Variants in ANO2 observed in about 807,000 individuals in gnomAD.
The protein encoded by ANO2 is anoctamin 2.
ANO2 carries 101 observed loss-of-function variants against 124.2 expected under a neutral mutation model. The ratio of observed to expected loss-of-function variants is 0.81; its 90% CI spans 0.69 to 0.96. ANO2 has a LOEUF of 0.96. Ranked by LOEUF, ANO2 falls within the 40% of genes least tolerant of loss-of-function variation. The pLI is 0.00. For missense variants in ANO2, 1,293 were observed against 1,274.5 expected (o/e 1.01, Z -0.22); for synonymous variants, 486 against 482.5 (o/e 1.01, Z -0.09).
chr12:5,791,541 C>T (rs1296697660), intron 10 of ANO2, among the ~76,000 whole-genome samples: 1 of 152,156 alleles, frequency 6.6e-6, no homozygotes, highest in African/African-American at 2.4e-5. Flanking sequence ...GGCTGGAACC[C>T]CAGCTAGCCT....
chr12:5,763,134 A>G (rs142230857), intron 10 of ANO2, among the ~76,000 whole-genome samples: 2,494 of 152,116 alleles, frequency 0.016, 36 homozygotes, highest in Non-Finnish European at 0.021. Flanking sequence ...AATATTTTTG[A>G]CCTTGAACCA....
Position 5,625,016 on chromosome 12 carries a change from G to C in ANO2, c.1817-9719C>G, listed in dbSNP as rs1054684639. 3.3e-5 allele frequency among the ~76,000 whole-genome samples: 5 copies of C among 152,262 alleles called. 1 individual carries two copies. The highest frequency in any genetic ancestry group is 6.8e-3 in the Middle Eastern group (2 of 294). ...AAGGAACTGGCCAGTCCACACAAGCGAAGCATCCTGAGCCTGGTGGAAGTA... is the reference window on the plus strand; with the variant it reads ...AAGGAACTGGCCAGTCCACACAAGCCAAGCATCCTGAGCCTGGTGGAAGTA... On this transcript the variant is annotated intron_variant, in intron 16 of 24. Transcript: ENST00000682330.
At position 5,750,955 on chromosome 12, in the gene ANO2, T is replaced by C. The variant is rs1327368877; in HGVS notation, c.1071A>G (p.Glu357=). ...GCCAGGCAAAATACAGTCCAATTTT[T>C]TCTCCAAAATACTTTCTGGAAAAGA... ...PIDLIRKYFG[E]KIGLYFAWLG... is the part of the protein sequence containing the mutation. Residue 357 remains glutamate (E), a synonymous_variant, in exon 11 of 25, where the codon GAA becomes GAG. Coordinates refer to ENST00000682330, the MANE Select transcript of ANO2 (RefSeq NM_001364791.2). 1 of 1,601,440 alleles carries C rather than the reference T, an allele frequency of 6.2e-7. No individual in the cohort carries two copies. Among genetic ancestry groups the C allele is most frequent in the South Asian group, 1.1e-5 (1 of 88,034 alleles).
At chr12:5,724,638 T>C (rs1950361968) in intron 14 of ANO2, among the ~76,000 whole-genome samples, 1 of 152,234 alleles carries the variant, frequency 6.6e-6, no homozygotes, top group Non-Finnish European at 1.5e-5. Context: ...GCTTTAACTT[T>C]AGATGAGTTT....
intron 11 of ANO2, among the ~76,000 whole-genome samples, chr12:5,748,531 T>C (rs1951336545): frequency 6.6e-6 from 1 of 152,124 alleles, no homozygotes; most frequent in Non-Finnish European, 1.5e-5. Context: ...TGACAACTAT[T>C]AGTTGTTGAT....
intron 14 of ANO2, among the ~76,000 whole-genome samples, chr12:5,695,428 C>CA (rs1225518824): frequency 3.4e-5 from 5 of 148,540 alleles, no homozygotes; most frequent in South Asian, 2.1e-4. Flanking sequence ...TCAAAAGTAC[C>CA]AAAAAAATCA....
In ANO2 at chr12:5,889,888, T is replaced by C. The variant is rs115797459; in HGVS notation, c.534+31152A>G. On this transcript the variant is annotated intron_variant, in intron 3 of 24. Coordinates refer to ENST00000682330, the MANE Select transcript of ANO2 (RefSeq NM_001364791.2). The stretch of plus-strand genomic sequence containing the variant: ...CTCCTGGTGGCCTGGAGGACTCATG[T>C]GAGTTGCACAAATAAGGCAGGCCCT... 5.4e-3 allele frequency among the ~76,000 whole-genome samples: 827 copies of C among 152,358 alleles called. 6 individuals are homozygous for C. Among genetic ancestry groups the C allele is most frequent in the African/African-American group, 0.019 (803 of 41,578 alleles).
chr12:5,622,367 C>A (rs1306880285), intron 16 of ANO2, among the ~76,000 whole-genome samples: 1 of 152,166 alleles, frequency 6.6e-6, no homozygotes, highest in Non-Finnish European at 1.5e-5. Flanking sequence ...TAAAAAACAG[C>A]CTGTGCCTGT....
chr12:5,625,192 T>TG (rs530393816), intron 16 of ANO2, among the ~76,000 whole-genome samples: 193 of 151,760 alleles, frequency 1.3e-3, no homozygotes, highest in Admixed American at 2.4e-3. Context: ...GTGAATGGTG[T>TG]GGGGGGGAGT....
chr12:5,732,160 G>A (rs1165718523), intron 14 of ANO2, among the ~76,000 whole-genome samples: 4 of 152,310 alleles, frequency 2.6e-5, no homozygotes, highest in African/African-American at 9.6e-5. Context: ...CTAACATAGA[G>A]CAAGCGTTCG....
intron 4 of ANO2, among the ~76,000 whole-genome samples, chr12:5,849,378 CA>C (rs1954794057): frequency 6.6e-6 from 1 of 152,150 alleles, no homozygotes; most frequent in African/African-American, 2.4e-5. Flanking sequence ...TTCATATATA[CA>C]AAAAAAGCAA....
chr12:5,637,412 A>C (rs1406469767), intron 15 of ANO2, among the ~76,000 whole-genome samples: 3 of 151,872 alleles, frequency 2.0e-5, no homozygotes, highest in Non-Finnish European at 2.9e-5. Flanking sequence ...GGGGAAAAAA[A>C]ACAATGGCAA....
At chr12:5,585,211 G>T (rs560062355) in intron 20 of ANO2, among the ~76,000 whole-genome samples, 6 of 152,048 alleles carry the variant, frequency 3.9e-5, no homozygotes, top group Non-Finnish European at 7.4e-5. Flanking sequence ...GGTAGTTAAG[G>T]TCGTTCCTGC....
intron 7 of ANO2, among the ~76,000 whole-genome samples, chr12:5,821,308 C>CT (rs1277353890): frequency 6.6e-6 from 1 of 152,178 alleles, no homozygotes; most frequent in Non-Finnish European, 1.5e-5. Flanking sequence ...CTGCATTTAG[C>CT]CCCTTTTACA....
chr12:5,689,647 GCTT>G (rs953994260), intron 14 of ANO2, among the ~76,000 whole-genome samples: 3 of 152,124 alleles, frequency 2.0e-5, no homozygotes, highest in African/African-American at 7.2e-5. Flanking sequence ...AATTTGGTGT[GCTT>G]TTCTTCCATC....
intron 19 of ANO2, among the ~76,000 whole-genome samples, chr12:5,606,854 C>T (rs1944245522): frequency 6.6e-6 from 1 of 152,016 alleles, no homozygotes; most frequent in Non-Finnish European, 1.5e-5. Flanking sequence ...TAAATTATAG[C>T]TGACTACCTG....
intron 14 of ANO2, among the ~76,000 whole-genome samples, chr12:5,657,788 G>T (rs1439128078): frequency 6.6e-6 from 1 of 151,326 alleles, no homozygotes; most frequent in Non-Finnish European, 1.5e-5. Context: ...TAATAATCTG[G>T]CAGCCAATGC....
At chr12:5,614,836 A>T (rs1283507883) in intron 17 of ANO2, among the ~76,000 whole-genome samples, 1 of 152,188 alleles carries the variant, frequency 6.6e-6, no homozygotes. Context: ...TATTAACTAC[A>T]GGTAGTTGGC....
intron 3 of ANO2, among the ~76,000 whole-genome samples, chr12:5,878,706 T>C (rs1344419477): frequency 1.3e-5 from 2 of 152,274 alleles, no homozygotes; most frequent in East Asian, 1.9e-4. Context: ...ACTGGGAACA[T>C]CACATTCCCA....
Sources: allele counts gnomAD v4.1 joint callset (sites outside exome capture counted in the v4.1 genomes callset), GRCh38; gene constraint gnomAD v4.1.1; transcripts MANE v1.5; gene names NCBI Gene and HGNC (gene_info 2026-07-23, HGNC 2026-07-21).